Variants in ADAMTSL1 observed in about 807,000 individuals in gnomAD.
ADAMTSL1 encodes the protein ADAMTS like 1.
In ADAMTSL1, 126 loss-of-function variants were observed where a neutral mutation model predicts 201.8. The observed-to-expected ratio is 0.62, with a 90% CI of 0.54 to 0.72. The LOEUF (loss-of-function observed/expected upper bound fraction) is 0.72, where lower values mean the gene tolerates loss of function less well. Among genes scored for constraint, ADAMTSL1 ranks in the 30% least tolerant of loss-of-function variants. The pLI is 0.00. For synonymous variants in ADAMTSL1, 1,121 were observed against 903.4 expected (o/e 1.24, Z -4.32); for missense variants, 2,679 against 2,277.8 (o/e 1.18, Z -3.59).
chr9:18,124,967 C>G (rs140183370), intron 1 of ADAMTSL1, among the ~76,000 whole-genome samples: 56 of 152,128 alleles, frequency 3.7e-4, no homozygotes, highest in African/African-American at 1.3e-3. Flanking sequence ...ACTCATTCAC[C>G]CAGTTTGGTA....
intron 1 of ADAMTSL1, among the ~76,000 whole-genome samples, chr9:18,482,003 A>G (rs972481811): frequency 1.3e-5 from 2 of 152,202 alleles, no homozygotes; most frequent in Admixed American, 1.3e-4. Context: ...CCACGCAAAA[A>G]ACAAATAGAT....
intron 4 of ADAMTSL1, 69 bp downstream of exon 4, chr9:18,574,335 T>C (rs1587610088): frequency 7.7e-7 from 1 of 1,298,618 alleles, no homozygotes; most frequent in Non-Finnish European, 1.1e-6. Context: ...ATGGTTTACA[T>C]AGTCTCACTC....
chr9:18,289,013 C>T (rs959473225), intron 2 of ADAMTSL1, among the ~76,000 whole-genome samples: 8 of 152,148 alleles, frequency 5.3e-5, no homozygotes, highest in Admixed American at 1.3e-4. Context: ...TTACTTTAAA[C>T]TGTAAATTAT....
intron 1 of ADAMTSL1, among the ~76,000 whole-genome samples, chr9:18,087,063 T>C (rs777752257): frequency 2.0e-5 from 3 of 152,198 alleles, no homozygotes; most frequent in African/African-American, 7.2e-5. Flanking sequence ...TTTGTTATTA[T>C]ATGTTTAATT....
chr9:18,485,257 T>A (rs918286382), intron 1 of ADAMTSL1, among the ~76,000 whole-genome samples: 1 of 152,068 alleles, frequency 6.6e-6, no homozygotes, highest in Non-Finnish European at 1.5e-5. Flanking sequence ...AAATTAAAGG[T>A]CATTTGAAAA....
chr9:17,977,887 T>C (rs1001063575), intron 1 of ADAMTSL1, among the ~76,000 whole-genome samples: 1 of 152,098 alleles, frequency 6.6e-6, no homozygotes, highest in African/African-American at 2.4e-5. Context: ...TTGTTGATTT[T>C]CTGTTTGGAT....
intron 2 of ADAMTSL1, among the ~76,000 whole-genome samples, chr9:18,172,457 A>G (rs1827943392): frequency 6.6e-6 from 1 of 152,128 alleles, no homozygotes; most frequent in Non-Finnish European, 1.5e-5. Context: ...CAGATAGGCA[A>G]CAAATTTAAA....
At chr9:18,567,013 G>A (rs752793898) in intron 3 of ADAMTSL1, among the ~76,000 whole-genome samples, 6 of 152,112 alleles carry the variant, frequency 3.9e-5, no homozygotes, top group Non-Finnish European at 8.8e-5. Flanking sequence ...AGCAACATTC[G>A]CATCACCTGG....
intron 26 of ADAMTSL1, among the ~76,000 whole-genome samples, chr9:18,905,215 C>G (rs938434036): frequency 6.6e-6 from 1 of 152,152 alleles, no homozygotes; most frequent in Non-Finnish European, 1.5e-5. Flanking sequence ...GGGTCAGGCT[C>G]CATGAACTCT....
At chr9:17,936,098 A>G (rs1044535362) in intron 1 of ADAMTSL1, among the ~76,000 whole-genome samples, 2 of 152,198 alleles carry the variant, frequency 1.3e-5, no homozygotes, top group East Asian at 3.9e-4. Flanking sequence ...CAAAACAAAA[A>G]TAATATCTTC....
chr9:18,213,897 C>CTTAT (rs574730343), intron 2 of ADAMTSL1, among the ~76,000 whole-genome samples: 9 of 151,930 alleles, frequency 5.9e-5, no homozygotes, highest in Admixed American at 1.3e-4. Flanking sequence ...GGCTTGCTTG[C>CTTAT]TTATTTATTT....
intron 3 of ADAMTSL1, among the ~76,000 whole-genome samples, chr9:18,559,937 A>G (rs1821369060): frequency 6.6e-6 from 1 of 152,152 alleles, no homozygotes; most frequent in South Asian, 2.1e-4. Flanking sequence ...CTAAATATAC[A>G]ATTATGTCAT....
At chr9:18,052,030 A>C (rs2131669658) in intron 1 of ADAMTSL1, among the ~76,000 whole-genome samples, 1 of 152,358 alleles carries the variant, frequency 6.6e-6, no homozygotes, top group South Asian at 2.1e-4. Flanking sequence ...TCTTTGAGGA[A>C]GTTCAAGATA....
At chr9:17,919,529 C>T (rs1427065798) in intron 1 of ADAMTSL1, among the ~76,000 whole-genome samples, 1 of 152,036 alleles carries the variant, frequency 6.6e-6, no homozygotes, top group Non-Finnish European at 1.5e-5. Context: ...CTTCTTAATA[C>T]ATTTCCATGT....
At chr9:18,607,567 TTTCTTTTATTA>T (rs1825104127) in intron 4 of ADAMTSL1, among the ~76,000 whole-genome samples, 2 of 122,286 alleles carry the variant, frequency 1.6e-5, no homozygotes, top group Admixed American at 1.7e-4. Context: ...ATTTTCATAA[TTTCTTTTATTA>T]TTATTATTAT....
chr9:18,626,292 G>A (rs561302650), intron 5 of ADAMTSL1, among the ~76,000 whole-genome samples: 143 of 152,276 alleles, frequency 9.4e-4, no homozygotes, highest in Middle Eastern at 3.4e-3. Flanking sequence ...ATGGGTATAG[G>A]CTGCCAGCCA....
chr9:18,657,829 A>C (rs1828799209), intron 8 of ADAMTSL1, 79 bp downstream of exon 8: 1 of 1,202,432 alleles, frequency 8.3e-7, no homozygotes, highest in South Asian at 1.3e-5. Context: ...GAGTTACTTC[A>C]GCATGGAAGA....
chr9:18,477,680 C>T (rs543067809), intron 1 of ADAMTSL1, among the ~76,000 whole-genome samples: 10 of 152,322 alleles, frequency 6.6e-5, no homozygotes, highest in African/African-American at 1.2e-4. Context: ...GAAGACTTTT[C>T]GCATAGATCT....
intron 16 of ADAMTSL1, among the ~76,000 whole-genome samples, chr9:18,760,761 G>C (rs1820030382): frequency 6.6e-6 from 1 of 152,222 alleles, no homozygotes; most frequent in Admixed American, 6.5e-5. Context: ...TCTAAGGACT[G>C]CTCTGAGTCA....
Sources: allele counts gnomAD v4.1 joint callset (sites outside exome capture counted in the v4.1 genomes callset), GRCh38; gene constraint gnomAD v4.1.1; transcripts MANE v1.5; gene names NCBI Gene and HGNC (gene_info 2026-07-23, HGNC 2026-07-21).